The following PRAC2 variants were observed in gnomAD, a reference collection of about 807,000 sequenced individuals.
The protein encoded by PRAC2 is protein PRAC2.
For synonymous variants in PRAC2, 43 were observed against 49.5 expected, an observed-to-expected ratio of 0.87 and a Z score of 0.55; for missense variants, 92 against 114.5, an observed-to-expected ratio of 0.80 and a Z score of 0.90.
chr17:48,719,991 G>A (rs2038129819), upstream of PRAC2, among the ~76,000 whole-genome samples: 4 of 152,208 alleles, frequency 2.6e-5, no homozygotes, highest in South Asian at 8.3e-4. Context: ...TGCCTGGAAT[G>A]GGAGGTGCGG....
Position 48,724,592 on chromosome 17 carries a change from C to G in PRAC2, c.182C>G (p.Thr61Arg), listed in dbSNP as rs1270307885. 2.4e-6 allele frequency: 3 copies of G among 1,232,044 alleles called. No individual in the cohort carries two copies. The highest frequency in any genetic ancestry group is 3.0e-6 in the Non-Finnish European group (3 of 987,986). 76.3% of individuals were successfully genotyped at this position (1,232,044 alleles called of 1,614,324 possible). A position where few individuals can be genotyped will look rare whatever the true frequency, so the allele number is the denominator to read the frequency against. ...CGACATCGGGTCCTGGACCCCCACA[C>G]GCAGCTCAGTACCCACGAGGCCCCA... ...GRRHRVLDPH[T>R]QLSTHEAPGR... Residue 61 changes from threonine to arginine, a missense_variant, in exon 2 of 2, where the codon ACG becomes AGG. By Grantham distance (71) the Thr-to-Arg change is moderately conservative (BLOSUM62 -1). Coordinates refer to ENST00000422730, the MANE Select transcript of PRAC2 (RefSeq NM_001282275.2).
intron 1 of PRAC2, chr17:48,723,598 C>T: frequency 2.6e-6 from 2 of 770,468 alleles, no homozygotes; most frequent in South Asian, 1.3e-4. Flanking sequence ...CCGGGAACTA[C>T]TATTTGGAGT....
upstream of PRAC2, among the ~76,000 whole-genome samples, chr17:48,719,798 G>A (rs549202224): frequency 6.6e-6 from 1 of 152,286 alleles, no homozygotes; most frequent in East Asian, 1.9e-4. Flanking sequence ...CAGGCCCGGC[G>A]GGTGTTCCCC....
At chr17:48,720,026 A>G (rs1021083764), upstream of PRAC2, among the ~76,000 whole-genome samples, 13 of 152,082 alleles carry the variant, frequency 8.5e-5, no homozygotes, top group Admixed American at 6.5e-5. Context: ...CAACATGACA[A>G]AGGCTGGACG....
At chr17:48,720,374 C>T (rs1379266041), upstream of PRAC2, among the ~76,000 whole-genome samples, 5 of 152,318 alleles carry the variant, frequency 3.3e-5, no homozygotes, top group East Asian at 1.9e-4. Context: ...TTCTGGCCTC[C>T]TCCGAGTTTT....
chr17:48,719,426 A>T (rs1414993057), upstream of PRAC2, among the ~76,000 whole-genome samples: 2 of 151,930 alleles, frequency 1.3e-5, no homozygotes, highest in Non-Finnish European at 2.9e-5. Context: ...CTGGGAAGGC[A>T]GCTGGGAAAC....
upstream of PRAC2, among the ~76,000 whole-genome samples, chr17:48,719,212 A>ACACACACAC (rs2038121894): frequency 7.1e-6 from 1 of 141,032 alleles, no homozygotes; most frequent in African/African-American, 2.6e-5. Context: ...CTCGCACACA[A>ACACACACAC]ACACACACAC....
upstream of PRAC2, among the ~76,000 whole-genome samples, chr17:48,719,145 A>C (rs1235480195): frequency 6.6e-6 from 1 of 152,032 alleles, no homozygotes; most frequent in African/African-American, 2.4e-5. Context: ...CCGGAGATCG[A>C]GTGTTTGATC....
chr17:48,724,363 G>T lies in PRAC2; in HGVS notation c.-48G>T, dbSNP rs1470649576. ...AGTAAATCCGAAAAAAAGTGTGTGT[G>T]GGGGGGTCCACACCACTAATTATTA... is the stretch of plus-strand genomic sequence containing the variant. On this transcript the variant is annotated 5_prime_UTR_variant, in exon 2 of 2. Coordinates refer to ENST00000422730, the MANE Select transcript of PRAC2 (RefSeq NM_001282275.2). The T allele has an allele frequency of 1.8e-5, 22 of 1,230,552 alleles. No homozygotes were observed. The highest frequency in any genetic ancestry group is 2.2e-5 in the Non-Finnish European group (22 of 986,704). The allele number at this position is 1,230,552 out of a possible 1,614,324, so 76.2% of individuals were successfully genotyped here.
chr17:48,722,717 CCT>C (rs1008580009), upstream of PRAC2, among the ~76,000 whole-genome samples: 26 of 152,130 alleles, frequency 1.7e-4, no homozygotes, highest in African/African-American at 6.0e-4. Flanking sequence ...CCCTTCCTCC[CCT>C]GATTGGCTTC....
At chr17:48,722,040 C>A (rs893533343), upstream of PRAC2, 1 of 977,138 alleles carries the variant, frequency 1.0e-6, no homozygotes, top group Non-Finnish European at 1.5e-6. Flanking sequence ...AGTTCCCACT[C>A]CCAAGCCTCT....
chr17:48,719,886 C>T (rs988224325), upstream of PRAC2, among the ~76,000 whole-genome samples: 2 of 152,206 alleles, frequency 1.3e-5, no homozygotes, highest in African/African-American at 4.8e-5. Context: ...TCCACAGCCC[C>T]CTCCGCCCTT....
chr17:48,722,504 G>A (rs1597928735), upstream of PRAC2: 3 of 881,190 alleles, frequency 3.4e-6, no homozygotes, highest in Admixed American at 3.7e-5. Context: ...CACGCCTTAG[G>A]CTAGGAGAGG....
chr17:48,721,881 G>A (rs1365467458), upstream of PRAC2: 3 of 1,527,514 alleles, frequency 2.0e-6, no homozygotes, highest in Admixed American at 2.1e-5. Flanking sequence ...CCCAGTAGAT[G>A]TTTCAAAGTA....
At chr17:48,721,270 G>C (rs1294162972), upstream of PRAC2, among the ~76,000 whole-genome samples, 1 of 152,228 alleles carries the variant, frequency 6.6e-6, no homozygotes, top group African/African-American at 2.4e-5. Context: ...GAGCTTCTGA[G>C]AGGGTGCAGG....
chr17:48,719,497 G>GCC (rs1180590742), upstream of PRAC2, among the ~76,000 whole-genome samples: 1 of 152,188 alleles, frequency 6.6e-6, no homozygotes, highest in Non-Finnish European at 1.5e-5. Context: ...GCGGGCGACA[G>GCC]CCCCCCGGAT....
At chr17:48,720,014 A>G (rs896500814), upstream of PRAC2, among the ~76,000 whole-genome samples, 1 of 152,202 alleles carries the variant, frequency 6.6e-6, no homozygotes, top group Admixed American at 6.5e-5. Flanking sequence ...AGCTTCAGCC[A>G]TCAACATGAC....
chr17:48,722,239 C>G (rs1597928495), upstream of PRAC2: 2 of 1,222,922 alleles, frequency 1.6e-6, no homozygotes, highest in Non-Finnish European at 2.4e-6. Context: ...TCCTGGGAGA[C>G]CCTCTCCCAG....
At chr17:48,718,762 G>T (rs1424930341), upstream of PRAC2, among the ~76,000 whole-genome samples, 5 of 152,188 alleles carry the variant, frequency 3.3e-5, no homozygotes, top group Non-Finnish European at 1.5e-5. Flanking sequence ...GGGATCGCAA[G>T]TTGAGGAGGA....
Sources: allele counts gnomAD v4.1 joint callset (sites outside exome capture counted in the v4.1 genomes callset), GRCh38; gene constraint gnomAD v4.1.1; transcripts MANE v1.5; gene names NCBI Gene and HGNC (gene_info 2026-07-23, HGNC 2026-07-21).